MKRN1: variants seen among roughly 807,000 people sequenced by gnomAD.
MKRN1 encodes E3 ubiquitin-protein ligase makorin-1.
In MKRN1, 9 loss-of-function variants were observed where a neutral mutation model predicts 55.5. The observed-to-expected ratio is 0.16, with a 90% CI of 0.10 to 0.28. MKRN1 has a LOEUF of 0.28. MKRN1 is among the 10% of genes least tolerant of loss of function. The probability of loss-of-function intolerance (pLI) is 1.00; values close to 1 mark genes in which losing one functional copy is unlikely to be tolerated. For missense variants in MKRN1, 488 were observed against 626.7 expected (o/e 0.78, Z 2.36); for synonymous variants, 253 against 235.9 (o/e 1.07, Z -0.66).
chr7:140,454,970 T>C, intron 7 of MKRN1, 125 bp downstream of exon 7: 1 of 1,370,152 alleles, frequency 7.3e-7, no homozygotes, highest in Non-Finnish European at 1.0e-6. Context: ...TGTTTCCTCC[T>C]TTAATACTCT....
At chr7:140,461,453 G>A (rs1193420581) in intron 2 of MKRN1, among the ~76,000 whole-genome samples, 1 of 151,962 alleles carries the variant, frequency 6.6e-6, no homozygotes, top group African/African-American at 2.4e-5. Context: ...GACCAGCCTG[G>A]CGAAACCTGG....
intron 1 of MKRN1, among the ~76,000 whole-genome samples, chr7:140,476,891 C>A (rs1320783743): frequency 6.6e-6 from 1 of 151,968 alleles, no homozygotes; most frequent in Non-Finnish European, 1.5e-5. Flanking sequence ...ACCAGCCTGA[C>A]CAACACGGAG....
At chr7:140,474,721 CTTTTTTTT>C (rs10706027) in intron 1 of MKRN1, among the ~76,000 whole-genome samples, 2 of 139,078 alleles carry the variant, frequency 1.4e-5, no homozygotes, top group South Asian at 4.5e-4. Flanking sequence ...TTCCTTCTTT[CTTTTTTTT>C]TTTTTTTGAG....
chr7:140,478,899 GC>G (rs1171764694), intron 1 of MKRN1: 1 of 323,680 alleles, frequency 3.1e-6, no homozygotes, highest in African/African-American at 2.2e-5. Context: ...CGGCGGTGCA[GC>G]CCCGCGGCTC....
chr7:140,460,428 GCCTCC>G (rs1200456999), intron 2 of MKRN1, among the ~76,000 whole-genome samples: 2 of 148,618 alleles, frequency 1.3e-5, no homozygotes, highest in Non-Finnish European at 3.0e-5. Context: ...TCCTGCCTCA[GCCTCC>G]CAAGTAGCTG....
Position 140,477,030 on chromosome 7 carries a change from G to A in MKRN1, c.185+2130C>T, listed in dbSNP as rs949914966. Among the ~76,000 whole-genome samples the A allele has an allele frequency of 2.0e-4, 30 of 151,502 alleles. 1 individual carries two copies. Among genetic ancestry groups the A allele is most frequent in the Non-Finnish European group, 3.5e-4 (24 of 67,924 alleles). ...GGAGAATCAATTAAACCTGGGAGGC[G>A]GGGGTTGTGGTAAGTAGAGATCACA... On this transcript the variant is annotated intron_variant, in intron 1 of 7. Coordinates refer to ENST00000255977, the MANE Select transcript of MKRN1 (RefSeq NM_013446.4).
chr7:140,468,091 A>G (rs1047100679), intron 2 of MKRN1, among the ~76,000 whole-genome samples: 2 of 151,774 alleles, frequency 1.3e-5, no homozygotes, highest in Admixed American at 6.6e-5. Context: ...TACACAGTCC[A>G]TTCAGATGAG....
chr7:140,459,230 G>T lies in MKRN1; in HGVS notation c.548C>A (p.Ala183Glu), dbSNP rs763962930. Residue 183 changes from alanine (A) to glutamate (E), a missense_variant, in exon 4 of 8, where the codon GCG becomes GAG. By Grantham distance (107) the Ala-to-Glu change is moderately radical. This residue lies in a region of MKRN1 where 278 missense variants were observed against 406.7 expected (regional missense o/e 0.68). Transcript: ENST00000255977. ...VPGQPYCGRT[A>E]PSCTEAPLQG... ...CAGGGGTGCTTCAGTGCAGGAAGGCGCAGCTGAAAATGTGTAAGAGGGTGG... is the reference window on the plus strand; with the variant it reads ...CAGGGGTGCTTCAGTGCAGGAAGGCTCAGCTGAAAATGTGTAAGAGGGTGG... 4.3e-6 allele frequency: 7 copies of T among 1,613,734 alleles called. No homozygotes were observed. The highest frequency in any genetic ancestry group is 1.7e-5 in the Admixed American group (1 of 59,988).
At chr7:140,473,233 T>C in intron 1 of MKRN1, 1 of 430,370 alleles carries the variant, frequency 2.3e-6, no homozygotes, top group Non-Finnish European at 4.5e-6. Context: ...AAAAACATCA[T>C]CCAGATTCAC....
At chr7:140,469,562 T>C (rs1402342442) in intron 2 of MKRN1, among the ~76,000 whole-genome samples, 1 of 152,080 alleles carries the variant, frequency 6.6e-6, no homozygotes, top group Admixed American at 6.6e-5. Flanking sequence ...TGTTAAATTG[T>C]TTGCTCTGGG....
At chr7:140,469,467 A>G (rs1399868171) in intron 2 of MKRN1, among the ~76,000 whole-genome samples, 1 of 152,204 alleles carries the variant, frequency 6.6e-6, no homozygotes, top group African/African-American at 2.4e-5. Flanking sequence ...GGACTTAGTA[A>G]CTTAGTCCAG....
intron 1 of MKRN1, 62 bp from the exon 2 acceptor site, chr7:140,472,073 T>C: frequency 1.2e-6 from 2 of 1,600,622 alleles, no homozygotes; most frequent in South Asian, 2.2e-5. Context: ...TAAAACTAAT[T>C]AGTATTCATG....
intron 2 of MKRN1, among the ~76,000 whole-genome samples, chr7:140,471,175 G>A (rs1216268611): frequency 1.3e-5 from 2 of 152,104 alleles, no homozygotes; most frequent in Non-Finnish European, 2.9e-5. Flanking sequence ...CTTGAGCCCA[G>A]GAATCTGAGA....
intron 6 of MKRN1, 114 bp downstream of exon 6, chr7:140,455,676 A>T (rs1287336663): frequency 2.3e-5 from 18 of 779,564 alleles, no homozygotes; most frequent in Non-Finnish European, 3.9e-5. Flanking sequence ...CTGTCCTGGG[A>T]AGTCAAAGAA....
At chr7:140,465,769 G>A (rs1794747065) in intron 2 of MKRN1, among the ~76,000 whole-genome samples, 1 of 152,088 alleles carries the variant, frequency 6.6e-6, no homozygotes, top group African/African-American at 2.4e-5. Context: ...GTTACATAAA[G>A]AGATCCCAAC....
In MKRN1 at chr7:140,475,505, CA is replaced by C. The variant is rs988675959; in HGVS notation, c.186-3495del. 2.0e-5 allele frequency among the ~76,000 whole-genome samples: 3 copies of C among 149,416 alleles called. No homozygotes were observed. The South Asian group carries it at 6.4e-4, about 32-fold the overall frequency. ...TGAAACCCTGTCTCTATCAAAAATGCAAAAAAAAATTAGCCTGGGGTGGTGG... is the reference window on the plus strand; with the variant it reads ...TGAAACCCTGTCTCTATCAAAAATGCAAAAAAAATTAGCCTGGGGTGGTGG... On this transcript the variant is annotated intron_variant, in intron 1 of 7. Coordinates refer to ENST00000255977, the MANE Select transcript of MKRN1 (RefSeq NM_013446.4).
chr7:140,468,724 A>AAAAAAAAAAC (rs1794839341), intron 2 of MKRN1, among the ~76,000 whole-genome samples: 1 of 151,258 alleles, frequency 6.6e-6, no homozygotes, highest in African/African-American at 2.4e-5. Context: ...AAAAAAAAAA[A>AAAAAAAAAAC]AGACATGCCT....
chr7:140,454,656 T>C lies in MKRN1; in HGVS notation c.1310A>G (p.Glu437Gly). 1 of 1,613,966 alleles carries C rather than the reference T, an allele frequency of 6.2e-7. No homozygotes were observed. The highest frequency in any genetic ancestry group is 8.5e-7 in the Non-Finnish European group (1 of 1,179,866). ...GCCCAGCTCAAAGGTGACAACCTCT[T>C]CTTCATCGTTGTCAAAGGGGTTGCT... is the stretch of plus-strand genomic sequence containing the variant. ...ENSNPFDNDEEEVVTFELGEM... is the reference protein window; with the variant it reads ...ENSNPFDNDEGEVVTFELGEM... The change falls in exon 8 of 8, where the codon GAA becomes GGA. Residue 437 changes from glutamate (E) to glycine (G), a missense_variant. Coordinates refer to ENST00000255977, the MANE Select transcript of MKRN1 (RefSeq NM_013446.4).
At chr7:140,473,502 T>C (rs1794996403) in intron 1 of MKRN1, among the ~76,000 whole-genome samples, 1 of 152,202 alleles carries the variant, frequency 6.6e-6, no homozygotes, top group African/African-American at 2.4e-5. Context: ...ACAACCTCTT[T>C]AGGAATTTCT....
Sources: allele counts gnomAD v4.1 joint callset (sites outside exome capture counted in the v4.1 genomes callset), GRCh38; gene constraint gnomAD v4.1.1; regional missense constraint gnomAD v4.1.1; transcripts MANE v1.5; gene names NCBI Gene and HGNC (gene_info 2026-07-23, HGNC 2026-07-21).